The following MGMT variants were observed in gnomAD, a reference collection of about 807,000 sequenced individuals.
The protein encoded by MGMT is O-6-methylguanine-DNA methyltransferase, also known as methylated-DNA--protein-cysteine methyltransferase.
A neutral mutation model predicts 15.9 loss-of-function variants in MGMT; 14 were observed. The ratio of observed to expected loss-of-function variants is 0.88; its 90% CI spans 0.58 to 1.37. MGMT has a LOEUF of 1.37. Ranked by LOEUF, MGMT falls within the 40% of genes most tolerant of loss-of-function variation. The pLI, the probability that MGMT is intolerant of heterozygous loss-of-function variation, is 0.00. For synonymous variants in MGMT, 130 were observed against 118.2 expected (o/e 1.10, Z -0.65); for missense variants, 282 against 268.1 (o/e 1.05, Z -0.36).
At position 129,539,353 on chromosome 10, in the gene MGMT, A is replaced by T. The variant is rs1377728734; in HGVS notation, c.125+2976A>T. 3.3e-5 allele frequency among the ~76,000 whole-genome samples: 5 copies of T among 152,164 alleles called. No individual in the cohort carries two copies. The East Asian group carries it at 9.6e-4, about 29-fold the overall frequency. ...GTTTTAGCATCATTTGTTGGAAAAT[A>T]AAAATTGTCTCCTTTCTTCATTGAA... On this transcript the variant is annotated intron_variant, in intron 2 of 4. Transcript: ENST00000651593.
chr10:129,538,594 A>G (rs76274127), intron 2 of MGMT, among the ~76,000 whole-genome samples: 5,751 of 150,476 alleles, frequency 0.038, 168 homozygotes, highest in South Asian at 0.067. Context: ...GGCCATTCCT[A>G]TGTTTTCTTT....
At chr10:129,696,820 C>T (rs1432833152) in intron 2 of MGMT, among the ~76,000 whole-genome samples, 1 of 152,236 alleles carries the variant, frequency 6.6e-6, no homozygotes, top group Non-Finnish European at 1.5e-5. Flanking sequence ...CTTGGTTGGA[C>T]TTCTTTACGC....
chr10:129,707,183 A>C (rs1195276967), intron 2 of MGMT, among the ~76,000 whole-genome samples: 5 of 152,122 alleles, frequency 3.3e-5, no homozygotes. Flanking sequence ...AAGATGAGGC[A>C]GAAGAATCAC....
intron 1 of MGMT, among the ~76,000 whole-genome samples, chr10:129,534,654 T>C (rs1845966605): frequency 6.6e-6 from 1 of 151,680 alleles, no homozygotes; most frequent in South Asian, 2.1e-4. Flanking sequence ...AAAGGAAAGA[T>C]CAGCTGGAGT....
At chr10:129,520,778 TGCAGAGCCC>T (rs1845798056) in intron 1 of MGMT, among the ~76,000 whole-genome samples, 1 of 149,662 alleles carries the variant, frequency 6.7e-6, no homozygotes. Context: ...AAGGTGTGCC[TGCAGAGCCC>T]CTATGGTGCG....
intron 3 of MGMT, among the ~76,000 whole-genome samples, chr10:129,753,959 G>A (rs1398547450): frequency 6.6e-6 from 1 of 152,168 alleles, no homozygotes; most frequent in African/African-American, 2.4e-5. Flanking sequence ...GTTGGATTTA[G>A]TTAGTTCATA....
intron 2 of MGMT, among the ~76,000 whole-genome samples, chr10:129,610,062 CTAT>C (rs1474426017): frequency 6.6e-6 from 1 of 152,082 alleles, no homozygotes; most frequent in African/African-American, 2.4e-5. Flanking sequence ...ATATGGTAAA[CTAT>C]TGTTTGGATT....
Position 129,706,476 on chromosome 10 carries a change from C to T in MGMT, c.126-1419C>T, listed in dbSNP as rs190087850. Among the ~76,000 whole-genome samples the T allele has an allele frequency of 1.1e-3, 166 of 152,204 alleles. 2 individuals are homozygous for T. In the East Asian group the frequency reaches 0.028, roughly 26 times the overall value. On this transcript the variant is annotated intron_variant, in intron 2 of 4. Coordinates refer to ENST00000651593, the MANE Select transcript of MGMT (RefSeq NM_002412.5). The stretch of plus-strand genomic sequence containing the variant: ...GGGTGAAGGGCCCGCGGGAGCTGTG[C>T]GTCCACAGCATCCACAGTGCAGTGA...
chr10:129,568,114 G>A (rs548469767), intron 2 of MGMT, among the ~76,000 whole-genome samples: 15 of 152,372 alleles, frequency 9.8e-5, no homozygotes, highest in African/African-American at 2.2e-4. Context: ...GGAATGGGCC[G>A]AGACAGCCTG....
intron 2 of MGMT, among the ~76,000 whole-genome samples, chr10:129,667,983 T>A (rs1847678866): frequency 6.6e-6 from 1 of 152,228 alleles, no homozygotes; most frequent in Non-Finnish European, 1.5e-5. Flanking sequence ...TAGATATGGA[T>A]CCTTTGCTGG....
rs1281470823 is a variant in MGMT, at chr10:129,488,002, TATACAC to T, written c.-13+20708_-13+20713del. 3.4e-3 allele frequency among the ~76,000 whole-genome samples: 259 copies of T among 75,806 alleles called. 3 individuals are homozygous for T. The highest frequency in any genetic ancestry group is 0.011 in the African/African-American group (246 of 23,340). The allele number at this position is 75,806 out of a possible 152,430, so 49.7% of individuals were successfully genotyped here. The stretch of plus-strand genomic sequence containing the variant: ...GTATACACACACACACACACATAGG[TATACAC>T]ACACACACACACACACACACACACA... On this transcript the variant is annotated intron_variant, in intron 1 of 4. Transcript: ENST00000651593.
chr10:129,652,206 C>T (rs1434553219), intron 2 of MGMT, among the ~76,000 whole-genome samples: 3 of 152,220 alleles, frequency 2.0e-5, no homozygotes, highest in Admixed American at 1.3e-4. Flanking sequence ...CCCCGCCACT[C>T]GGGGGGCCGG....
intron 1 of MGMT, among the ~76,000 whole-genome samples, chr10:129,509,752 A>T (rs942108061): frequency 6.6e-6 from 1 of 152,158 alleles, no homozygotes; most frequent in Non-Finnish European, 1.5e-5. Flanking sequence ...GGTCCATTGA[A>T]ATCTATATAT....
intron 1 of MGMT, among the ~76,000 whole-genome samples, chr10:129,509,818 C>G (rs906762726): frequency 6.6e-6 from 1 of 152,160 alleles, no homozygotes; most frequent in Non-Finnish European, 1.5e-5. Flanking sequence ...ATCTCCTGTC[C>G]ACAGCTTTTG....
intron 2 of MGMT, among the ~76,000 whole-genome samples, chr10:129,538,199 C>T (rs924548524): frequency 1.3e-5 from 2 of 152,132 alleles, no homozygotes; most frequent in Non-Finnish European, 2.9e-5. Context: ...GTGTACAATT[C>T]ATTTGACAAA....
chr10:129,687,454 G>T (rs1246335349), intron 2 of MGMT, among the ~76,000 whole-genome samples: 1 of 152,184 alleles, frequency 6.6e-6, no homozygotes, highest in Non-Finnish European at 1.5e-5. Context: ...GGTGCACAGG[G>T]GGGACCCAGA....
At chr10:129,603,712 A>G (rs181029356) in intron 2 of MGMT, among the ~76,000 whole-genome samples, 148 of 152,398 alleles carry the variant, frequency 9.7e-4, no homozygotes, top group African/African-American at 3.5e-3. Flanking sequence ...CAAGAATATT[A>G]GGCACACTGC....
rs550267636 is a variant in MGMT at position 129,719,492 on chromosome 10, C to T, written c.274+11449C>T. On this transcript the variant is annotated intron_variant, in intron 3 of 4. Coordinates refer to ENST00000651593, the MANE Select transcript of MGMT (RefSeq NM_002412.5). ...GCTCTGGAGCCTGGAAGTCCGAGACCGAGGTGCGGCAGGGTGTCAGCTACT... is the reference window on the plus strand; with the variant it reads ...GCTCTGGAGCCTGGAAGTCCGAGACTGAGGTGCGGCAGGGTGTCAGCTACT... 7.9e-5 allele frequency among the ~76,000 whole-genome samples: 12 copies of T among 152,302 alleles called. No individual in the cohort carries two copies. In the South Asian group the frequency reaches 1.5e-3, roughly 18 times the overall value.
chr10:129,727,478 A>C (rs1368551332), intron 3 of MGMT, among the ~76,000 whole-genome samples: 1 of 152,232 alleles, frequency 6.6e-6, no homozygotes, highest in East Asian at 1.9e-4. Context: ...AAGGCCATGA[A>C]AGAAAGGTCA....
Sources: allele counts gnomAD v4.1 joint callset (sites outside exome capture counted in the v4.1 genomes callset), GRCh38; gene constraint gnomAD v4.1.1; transcripts MANE v1.5; gene names NCBI Gene and HGNC (gene_info 2026-07-23, HGNC 2026-07-21).